The following ARHGAP35 variants were observed in gnomAD, a reference collection of about 807,000 sequenced individuals.
The protein encoded by ARHGAP35 is Rho GTPase activating protein 35.
A neutral mutation model predicts 111.1 loss-of-function variants in ARHGAP35; 15 were observed. That is an observed-to-expected ratio of 0.13 (90% CI 0.09 to 0.21). The LOEUF (loss-of-function observed/expected upper bound fraction) is 0.21. Ranked by LOEUF, ARHGAP35 falls within the 10% of genes least tolerant of loss-of-function variation. The pLI is 1.00. For missense variants in ARHGAP35, 1,262 were observed against 1,873.0 expected, an observed-to-expected ratio of 0.67 and a Z score of 6.02; for synonymous variants, 643 against 710.3, an observed-to-expected ratio of 0.91 and a Z score of 1.51.
chr19:46,884,695 C>T (rs1048319199), intron 1 of ARHGAP35, among the ~76,000 whole-genome samples: 1 of 151,674 alleles, frequency 6.6e-6, no homozygotes, highest in African/African-American at 2.4e-5. Context: ...CCATGTTGCC[C>T]CAGCTGGTCT....
chr19:46,977,459 T>TC (rs1180429135), intron 3 of ARHGAP35, among the ~76,000 whole-genome samples: 1 of 152,184 alleles, frequency 6.6e-6, no homozygotes, highest in East Asian at 1.9e-4. Flanking sequence ...TGAGTCGCCT[T>TC]CCTCCCTCTC....
chr19:46,913,278 G>A (rs1028209504), intron 1 of ARHGAP35, among the ~76,000 whole-genome samples: 16 of 150,666 alleles, frequency 1.1e-4, no homozygotes, highest in African/African-American at 3.7e-4. Flanking sequence ...TGATACACAC[G>A]CTGTGTTGGA....
chr19:46,906,293 A>G (rs972004412), intron 1 of ARHGAP35, among the ~76,000 whole-genome samples: 19 of 152,188 alleles, frequency 1.2e-4, no homozygotes, highest in African/African-American at 3.9e-4. Context: ...TGGGTGACAG[A>G]GTGAGACCCT....
At chr19:46,983,631 T>G (rs2056633029) in intron 3 of ARHGAP35, among the ~76,000 whole-genome samples, 1 of 146,934 alleles carries the variant, frequency 6.8e-6, no homozygotes, top group Admixed American at 6.8e-5. Context: ...TTTTTTTTTT[T>G]GAGACAGAGT....
intron 2 of ARHGAP35, among the ~76,000 whole-genome samples, chr19:46,933,134 C>CCTCTT (rs2056282410): frequency 8.8e-6 from 1 of 113,190 alleles, no homozygotes; most frequent in Non-Finnish European, 1.8e-5. Flanking sequence ...ATCAGTGTGC[C>CCTCTT]TTCTTTTTTT....
At chr19:46,881,323 G>A (rs769397297) in intron 1 of ARHGAP35, among the ~76,000 whole-genome samples, 3 of 152,166 alleles carry the variant, frequency 2.0e-5, no homozygotes, top group Non-Finnish European at 2.9e-5. Flanking sequence ...TCCATCAAAG[G>A]AATCACTATT....
At chr19:46,966,587 A>G (rs982436681) in intron 3 of ARHGAP35, among the ~76,000 whole-genome samples, 2 of 152,144 alleles carry the variant, frequency 1.3e-5, no homozygotes, top group Non-Finnish European at 2.9e-5. Flanking sequence ...TTTGTAATGT[A>G]TGGTCCTTCA....
chr19:46,945,962 GA>G lies in ARHGAP35; in HGVS notation c.3826+8556del, dbSNP rs1430156629. Among the ~76,000 whole-genome samples the G allele has an allele frequency of 3.3e-5, 5 of 152,226 alleles. No individual in the cohort carries two copies. The highest frequency in any genetic ancestry group is 6.5e-5 in the Admixed American group (1 of 15,286). ...CTCTAGCCAGTGCTGTAGAGGCCGA[GA>G]AGAGGAATTGTGCCTAGGGAGAAAC... On this transcript the variant is annotated intron_variant, in intron 3 of 6. Coordinates refer to ENST00000672722, the MANE Select transcript of ARHGAP35 (RefSeq NM_004491.5). This position sits in a 1 kb window ranked among gnomAD's most constrained non-coding sequence, Gnocchi z 4.1.
intron 3 of ARHGAP35, among the ~76,000 whole-genome samples, chr19:46,980,032 A>G (rs1323436915): frequency 6.6e-6 from 1 of 152,104 alleles, no homozygotes; most frequent in South Asian, 2.1e-4. Context: ...AACCTTCTCT[A>G]TGGAGAGGAG....
chr19:46,997,690 T>G (rs2056719921), intron 5 of ARHGAP35: 1 of 152,232 alleles, frequency 6.6e-6, no homozygotes, highest in African/African-American at 2.4e-5. Context: ...TCATTGGCAT[T>G]CTGTCTGCTC....
At chr19:46,929,281 T>G (rs890729031) in intron 2 of ARHGAP35, among the ~76,000 whole-genome samples, 1 of 152,150 alleles carries the variant, frequency 6.6e-6, no homozygotes, top group Non-Finnish European at 1.5e-5. Context: ...GCAAATAACT[T>G]AATTAAAAAG....
chr19:46,929,617 T>C (rs1204530723), intron 2 of ARHGAP35, among the ~76,000 whole-genome samples: 4 of 139,734 alleles, frequency 2.9e-5, no homozygotes, highest in Non-Finnish European at 6.2e-5. Context: ...TTTTTTTTTT[T>C]ACATAAAACA....
intron 1 of ARHGAP35, among the ~76,000 whole-genome samples, chr19:46,907,115 TA>T (rs1470998666): frequency 3.3e-5 from 5 of 152,152 alleles, no homozygotes; most frequent in Admixed American, 2.0e-4. Flanking sequence ...TTTTTCTTAA[TA>T]AAAAATATTA....
chr19:46,963,678 T>A (rs1248566376), intron 3 of ARHGAP35, among the ~76,000 whole-genome samples: 2 of 152,154 alleles, frequency 1.3e-5, no homozygotes, highest in Non-Finnish European at 2.9e-5. Context: ...TTTTCACCTT[T>A]ATCTTGTCTC....
Position 47,004,164 on chromosome 19 carries a change from G to A in ARHGAP35, c.*3476G>A, listed in dbSNP as rs1366065061. 2 of 152,114 alleles carry A rather than the reference G, an allele frequency of 1.3e-5. No homozygotes were observed. The highest frequency in any genetic ancestry group is 6.5e-5 in the Admixed American group (1 of 15,268). 9.4% of individuals were successfully genotyped at this position (152,114 alleles called of 1,614,324 possible). A position where few individuals can be genotyped will look rare whatever the true frequency, so the allele number is the denominator to read the frequency against. ...CAGCGCAGGGATCCGGGGAAGCTGC[G>A]GCAGGGAGCGGGCGCCGGCTTCGTG... On this transcript the variant is annotated 3_prime_UTR_variant, in exon 7 of 7. Transcript: ENST00000672722.
chr19:46,929,189 T>A (rs1487168167), intron 2 of ARHGAP35, among the ~76,000 whole-genome samples: 1 of 152,070 alleles, frequency 6.6e-6, no homozygotes, highest in East Asian at 1.9e-4. Flanking sequence ...TGCCTTCAGG[T>A]TTTCTTTTAA....
chr19:46,942,855 CATTA>C (rs1349366516), intron 3 of ARHGAP35, among the ~76,000 whole-genome samples: 1 of 150,494 alleles, frequency 6.6e-6, no homozygotes, highest in Non-Finnish European at 1.5e-5. Flanking sequence ...AAAAAATTAC[CATTA>C]ATTCAGTAGT....
At chr19:46,863,342 G>T (rs755572989) in intron 1 of ARHGAP35, among the ~76,000 whole-genome samples, 1 of 152,156 alleles carries the variant, frequency 6.6e-6, no homozygotes, top group Non-Finnish European at 1.5e-5. Context: ...GGTGGGGGTT[G>T]GTTGATTGTT....
At chr19:46,997,176 G>A (rs2056715203) in intron 5 of ARHGAP35, among the ~76,000 whole-genome samples, 1 of 152,044 alleles carries the variant, frequency 6.6e-6, no homozygotes, top group Non-Finnish European at 1.5e-5. Context: ...AAAAAAGAAA[G>A]TGCCCTTGAG....
Sources: gnomAD v4.1 joint callset for allele counts (sites outside exome capture counted in the v4.1 genomes callset) on GRCh38, gnomAD v4.1.1 for gene constraint, Gnocchi (gnomAD v3.1) non-coding constraint, MANE v1.5 for transcripts, NCBI Gene and HGNC (gene_info 2026-07-23, HGNC 2026-07-21) for gene names.